Variants in MTA3 observed in about 807,000 individuals in gnomAD.
MTA3 encodes metastasis associated 1 family member 3, also known as metastasis-associated protein MTA3.
MTA3 carries 34 observed loss-of-function variants against 83.5 expected under a neutral mutation model. The observed-to-expected ratio is 0.41, with a 90% CI of 0.31 to 0.54. The LOEUF (loss-of-function observed/expected upper bound fraction) is 0.54. Among genes scored for constraint, MTA3 ranks in the 20% least tolerant of loss-of-function variants. The pLI is 0.33. For synonymous variants in MTA3, 303 were observed against 252.7 expected (o/e 1.20, Z -1.89); for missense variants, 761 against 726.4 (o/e 1.05, Z -0.55).
intron 16 of MTA3, 186 bp downstream of exon 16, chr2:42,723,221 A>G (rs1244066975): frequency 1.5e-6 from 1 of 667,916 alleles, no homozygotes. Context: ...TCTCCATCCC[A>G]TCAGGAGGTA....
At chr2:42,700,055 G>C (rs1428782221) in intron 11 of MTA3, among the ~76,000 whole-genome samples, 1 of 152,042 alleles carries the variant, frequency 6.6e-6, no homozygotes, top group African/African-American at 2.4e-5. Context: ...AGATTTAACA[G>C]TGTTGGATGC....
chr2:42,545,984 C>T (rs772501098), intron 2 of MTA3, among the ~76,000 whole-genome samples: 10 of 152,156 alleles, frequency 6.6e-5, no homozygotes, highest in Non-Finnish European at 1.2e-4. Flanking sequence ...AGACAGGCTC[C>T]GCGTTAACAC....
At chr2:42,543,511 G>A (rs1676615413) in intron 2 of MTA3, among the ~76,000 whole-genome samples, 1 of 152,018 alleles carries the variant, frequency 6.6e-6, no homozygotes, top group African/African-American at 2.4e-5. Flanking sequence ...TTGAGACGGG[G>A]TCTCACTGTG....
intron 1 of MTA3, chr2:42,570,038 A>T (rs564626674): frequency 6.4e-6 from 1 of 155,486 alleles, no homozygotes; most frequent in South Asian, 2.0e-4. Flanking sequence ...GTCTTAGGTC[A>T]ATAGTTTTAT....
chr2:42,495,752 T>G (rs1322912115), intron 2 of MTA3, among the ~76,000 whole-genome samples: 1 of 152,214 alleles, frequency 6.6e-6, no homozygotes, highest in Non-Finnish European at 1.5e-5. Context: ...AATGGCTTGA[T>G]GAAAGCTTTA....
At chr2:42,654,946 G>A (rs953756899) in intron 6 of MTA3, among the ~76,000 whole-genome samples, 5 of 150,136 alleles carry the variant, frequency 3.3e-5, no homozygotes, top group Non-Finnish European at 5.9e-5. Flanking sequence ...AACGCTGTGA[G>A]TACAGCTCAC....
At chr2:42,642,671 T>G (rs1365885541) in intron 5 of MTA3, among the ~76,000 whole-genome samples, 1 of 149,088 alleles carries the variant, frequency 6.7e-6, no homozygotes, top group South Asian at 2.1e-4. Context: ...TGAGATGAAG[T>G]CTCACTCTTG....
intron 2 of MTA3, among the ~76,000 whole-genome samples, chr2:42,552,809 G>C (rs1039426125): frequency 1.3e-5 from 2 of 152,014 alleles, no homozygotes; most frequent in African/African-American, 2.4e-5. Context: ...AATTAGCCAG[G>C]TGTGGCGGCA....
At chr2:42,724,331 C>T (rs1260355112) in intron 16 of MTA3, among the ~76,000 whole-genome samples, 1 of 144,870 alleles carries the variant, frequency 6.9e-6, no homozygotes, top group Non-Finnish European at 1.5e-5. Flanking sequence ...CACACACACA[C>T]GTATATATTC....
At chr2:42,509,561 G>C (rs191023113) in intron 2 of MTA3, among the ~76,000 whole-genome samples, 3 of 152,150 alleles carry the variant, frequency 2.0e-5, no homozygotes, top group African/African-American at 4.8e-5. Context: ...CTTGAACCCA[G>C]GTGTTTGAGA....
intron 16 of MTA3, among the ~76,000 whole-genome samples, chr2:42,726,938 A>C (rs1219964671): frequency 2.0e-5 from 3 of 152,286 alleles, no homozygotes; most frequent in Admixed American, 1.3e-4. Context: ...TGCACTGGTA[A>C]TCCCAGCAAC....
intron 4 of MTA3, among the ~76,000 whole-genome samples, chr2:42,621,561 C>T (rs577110639): frequency 1.3e-5 from 2 of 152,248 alleles, no homozygotes; most frequent in Non-Finnish European, 2.9e-5. Context: ...AATCTGACTT[C>T]TCTATCTTTT....
At chr2:42,517,573 CAAAAAA>C (rs70963320) in intron 2 of MTA3, among the ~76,000 whole-genome samples, 1 of 98,478 alleles carries the variant, frequency 1.0e-5, no homozygotes, top group Admixed American at 1.1e-4. Context: ...AATTCCATCT[CAAAAAA>C]AAAAAAAAAA....
At chr2:42,657,746 A>T (rs982193060) in intron 7 of MTA3, among the ~76,000 whole-genome samples, 1 of 139,130 alleles carries the variant, frequency 7.2e-6, no homozygotes, top group African/African-American at 2.7e-5. Context: ...TGGGCAATAT[A>T]GTAAGACCTC....
intron 16 of MTA3, among the ~76,000 whole-genome samples, chr2:42,732,163 G>T (rs926713898): frequency 2.0e-5 from 3 of 152,204 alleles, no homozygotes; most frequent in Non-Finnish European, 2.9e-5. Flanking sequence ...TGGGGACTCT[G>T]GCCCCACATT....
At chr2:42,711,407 T>A (rs976761551) in intron 14 of MTA3, among the ~76,000 whole-genome samples, 3 of 152,234 alleles carry the variant, frequency 2.0e-5, no homozygotes, top group African/African-American at 7.2e-5. Flanking sequence ...TCTATAAGCA[T>A]ATAGATTATA....
At chr2:42,698,247 T>G (rs1398612004) in intron 11 of MTA3, among the ~76,000 whole-genome samples, 2 of 152,194 alleles carry the variant, frequency 1.3e-5, no homozygotes, top group Non-Finnish European at 2.9e-5. Flanking sequence ...TTGGTTCCAA[T>G]GGCAATTAGA....
rs1425188760 is a variant in MTA3 at position 42,722,955 on chromosome 2, A to G, written c.1679A>G (p.Lys560Arg). Residue 560 changes from lysine to arginine, a missense_variant, in exon 16 of 17, where the codon AAG (lysine) becomes AGG (arginine). Physicochemically the swap from Lys to Arg is conservative, Grantham distance 26. Transcript: ENST00000405094. ...STPSLQTPTT[K>R]RMLTTPNHTS... ...CCAAGCCTGCAAACCCCAACTACCA[A>G]GCGGATGCTAACAACTCCAAATCAC... The G allele has an allele frequency of 9.0e-6, 14 of 1,551,084 alleles. No homozygotes were observed. Among genetic ancestry groups the G allele is most frequent in the Non-Finnish European group, 1.2e-5 (14 of 1,147,132 alleles).
chr2:42,624,216 C>G (rs925859187), intron 4 of MTA3, among the ~76,000 whole-genome samples: 1 of 152,006 alleles, frequency 6.6e-6, no homozygotes, highest in Non-Finnish European at 1.5e-5. Flanking sequence ...TTCAATAAAA[C>G]TGAATTACTT....
Sources: gnomAD v4.1 joint callset for allele counts (sites outside exome capture counted in the v4.1 genomes callset) on GRCh38, gnomAD v4.1.1 for gene constraint, MANE v1.5 for transcripts, NCBI Gene and HGNC (gene_info 2026-07-23, HGNC 2026-07-21) for gene names.